Variants in USH2A observed in about 807,000 individuals in gnomAD.
The protein encoded by USH2A is Usher syndrome 2A (autosomal recessive, mild).
A neutral mutation model predicts 538.9 loss-of-function variants in USH2A; 443 were observed. The ratio of observed to expected loss-of-function variants is 0.82; its 90% CI spans 0.76 to 0.89. The LOEUF is 0.89. USH2A is among the 40% of genes least tolerant of loss of function. USH2A has a pLI of 0.00. For missense variants in USH2A, 6,633 were observed against 6,324.8 expected (o/e 1.05, Z -1.65); for synonymous variants, 2,413 against 2,273.5 (o/e 1.06, Z -1.75).
At chr1:216,065,348 A>C (rs1355735924) in intron 30 of USH2A, among the ~76,000 whole-genome samples, 1 of 152,240 alleles carries the variant, frequency 6.6e-6, no homozygotes, top group Non-Finnish European at 1.5e-5. Context: ...AATATGGTAT[A>C]TCTAACATAA....
At chr1:216,089,397 A>G (rs1300674792) in intron 22 of USH2A, among the ~76,000 whole-genome samples, 1 of 152,128 alleles carries the variant, frequency 6.6e-6, no homozygotes, top group Admixed American at 6.5e-5. Flanking sequence ...TTTCTTACAA[A>G]GTCACTTGCA....
intron 38 of USH2A, among the ~76,000 whole-genome samples, chr1:215,914,613 G>T (rs1023098150): frequency 6.6e-6 from 1 of 152,094 alleles, no homozygotes; most frequent in African/African-American, 2.4e-5. Context: ...CCCCTAGAAG[G>T]TGAAACCAAG....
intron 32 of USH2A, among the ~76,000 whole-genome samples, chr1:216,038,854 C>T (rs2030125663): frequency 1.3e-5 from 2 of 151,988 alleles, no homozygotes; most frequent in South Asian, 4.1e-4. Flanking sequence ...GTTATCTTTC[C>T]AGCATTTAAC....
Position 216,248,216 on chromosome 1 carries a change from A to G in USH2A, c.2168-990T>C, listed in dbSNP as rs537165864. 6.2e-4 allele frequency among the ~76,000 whole-genome samples: 94 copies of G among 152,242 alleles called. 1 individual carries two copies. The South Asian group carries it at 7.0e-3, about 11-fold the overall frequency. ...TACTTCTATTTAAAGGAGTACACAT[A>G]TACATTTTACGAATGAAGAAAAATG... On this transcript the variant is annotated intron_variant, in intron 12 of 71. Coordinates refer to ENST00000307340, the MANE Select transcript of USH2A (RefSeq NM_206933.4).
At chr1:215,799,162 T>G (rs963258493) in intron 49 of USH2A, 37 bp from the exon 50 acceptor site, 33 of 1,573,542 alleles carry the variant, frequency 2.1e-5, no homozygotes, top group Non-Finnish European at 2.6e-5. Flanking sequence ...TTACATCAGT[T>G]AAAAAAATAT....
At chr1:215,778,778 C>G (rs1661538172) in intron 55 of USH2A, among the ~76,000 whole-genome samples, 1 of 152,174 alleles carries the variant, frequency 6.6e-6, no homozygotes, top group Non-Finnish European at 1.5e-5. Flanking sequence ...AGAATTTAAA[C>G]TTAACAGGGT....
At chr1:216,316,828 T>C (rs2037518647) in intron 9 of USH2A, among the ~76,000 whole-genome samples, 2 of 152,128 alleles carry the variant, frequency 1.3e-5, no homozygotes, top group African/African-American at 2.4e-5. Flanking sequence ...CATTAAAAAT[T>C]GGGCAATGAA....
chr1:216,156,182 T>C (rs1426630965), intron 21 of USH2A, among the ~76,000 whole-genome samples: 1 of 152,172 alleles, frequency 6.6e-6, no homozygotes, highest in Non-Finnish European at 1.5e-5. Flanking sequence ...TACTAATTTG[T>C]TTATTTATGT....
rs775803174 is a variant in USH2A, at chr1:216,073,207, T to G, written c.5666A>C (p.Asp1889Ala). ...AGCACTGTCAGTTGATAGGCATCCA[T>G]CCAGATTGACTCTGACAGCACCGCT... ...VSSGAVRVNL[D>A]GCLSTDSAVN... Residue 1889 changes from aspartate to alanine, a missense_variant, in exon 28 of 72, where the codon GAT becomes GCT. Physicochemically the swap from Asp to Ala is moderately radical, Grantham distance 126 (BLOSUM62 -2). Coordinates refer to ENST00000307340, the MANE Select transcript of USH2A (RefSeq NM_206933.4). The G allele has an allele frequency of 6.2e-7, 1 of 1,613,758 alleles. No individual in the cohort carries two copies. The highest frequency in any genetic ancestry group is 8.5e-7 in the Non-Finnish European group (1 of 1,179,958).
chr1:216,187,297 T>C (rs2034628507), intron 20 of USH2A, among the ~76,000 whole-genome samples: 2 of 151,914 alleles, frequency 1.3e-5, no homozygotes, highest in Admixed American at 6.6e-5. Context: ...ACCCAAATGC[T>C]GAGTATAATT....
intron 54 of USH2A, 74 bp downstream of exon 54, chr1:215,781,968 C>T (rs1661655849): frequency 1.3e-6 from 2 of 1,596,528 alleles, no homozygotes; most frequent in African/African-American, 2.7e-5. Flanking sequence ...ATGAAAAAAG[C>T]AGTCACAACC....
intron 44 of USH2A, among the ~76,000 whole-genome samples, chr1:215,854,079 A>G (rs1313621285): frequency 6.6e-6 from 1 of 152,184 alleles, no homozygotes; most frequent in Admixed American, 6.5e-5. Context: ...TGATAAAGAC[A>G]TACTGGAGAT....
rs571891748 is a variant in USH2A, at chr1:216,379,751, A to G, written c.652-14666T>C. Among the ~76,000 whole-genome samples, 155 of 152,330 alleles carry G rather than the reference A, an allele frequency of 1.0e-3. 2 individuals are homozygous for G. Among genetic ancestry groups the G allele is most frequent in the African/African-American group, 3.6e-3 (149 of 41,578 alleles). On this transcript the variant is annotated intron_variant, in intron 3 of 71. Transcript: ENST00000307340. ...TTGACCTGAAAGCTAGAAAGGTTCT[A>G]TTTCTCTAAGGAAAAGAAAACAATT...
chr1:215,812,275 C>T (rs113395363), intron 49 of USH2A, among the ~76,000 whole-genome samples: 5,170 of 152,158 alleles, frequency 0.034, 98 homozygotes, highest in African/African-American at 0.05. Flanking sequence ...CATGAGCCAC[C>T]GTGCCCAGAC....
At chr1:216,250,653 G>C (rs962478896) in intron 12 of USH2A, among the ~76,000 whole-genome samples, 3 of 152,158 alleles carry the variant, frequency 2.0e-5, no homozygotes, top group African/African-American at 7.2e-5. Flanking sequence ...ATTAGTATGG[G>C]ACCATGGGAA....
intron 29 of USH2A, among the ~76,000 whole-genome samples, chr1:216,071,109 C>T (rs1380697173): frequency 6.6e-6 from 1 of 152,040 alleles, no homozygotes; most frequent in East Asian, 1.9e-4. Context: ...AAGAAAGAGC[C>T]CAAGGAACTC....
intron 60 of USH2A, among the ~76,000 whole-genome samples, 198 bp from the exon 61 acceptor site, chr1:215,728,582 G>GACACACACACACACACACACACACACAC (rs1311988583): frequency 6.7e-6 from 1 of 148,590 alleles, no homozygotes; most frequent in African/African-American, 2.5e-5. Context: ...AAGTGTAGTT[G>GACACACACACACACACACACACACACAC]ACACACACAC....
intron 38 of USH2A, among the ~76,000 whole-genome samples, chr1:215,903,585 G>A (rs1198539012): frequency 6.6e-6 from 1 of 152,068 alleles, no homozygotes; most frequent in East Asian, 1.9e-4. Context: ...AATCAACTGA[G>A]AGTCAGTGCA....
chr1:216,060,890 C>T (rs1571925940), intron 30 of USH2A, among the ~76,000 whole-genome samples: 1 of 152,348 alleles, frequency 6.6e-6, no homozygotes, highest in East Asian at 1.9e-4. Flanking sequence ...TCCTGTCTCT[C>T]TGGGCTGCAG....
Sources: gnomAD v4.1 joint callset for allele counts (sites outside exome capture counted in the v4.1 genomes callset) on GRCh38, gnomAD v4.1.1 for gene constraint, MANE v1.5 for transcripts, NCBI Gene and HGNC (gene_info 2026-07-23, HGNC 2026-07-21) for gene names.